The following RSRC1 variants were observed in gnomAD, a reference collection of about 807,000 sequenced individuals.
RSRC1 encodes arginine and serine rich coiled-coil 1, also known as serine/Arginine-related protein 53.
A neutral mutation model predicts 49.1 loss-of-function variants in RSRC1; 39 were observed. That is an observed-to-expected ratio of 0.79 (90% confidence interval 0.61 to 1.04). RSRC1 has a LOEUF of 1.04. RSRC1 is among the 50% of genes least tolerant of loss of function. RSRC1 has a pLI of 0.00. For synonymous variants in RSRC1, 143 were observed against 130.8 expected (o/e 1.09, Z -0.63); for missense variants, 388 against 402.4 (o/e 0.96, Z 0.31).
At chr3:158,113,004 G>A (rs1714517866) in intron 1 of RSRC1, among the ~76,000 whole-genome samples, 2 of 152,112 alleles carry the variant, frequency 1.3e-5, no homozygotes, top group African/African-American at 4.8e-5. Flanking sequence ...ATAATATTCT[G>A]TGATGTATAT....
At chr3:158,424,709 T>C (rs942717699) in intron 6 of RSRC1, among the ~76,000 whole-genome samples, 2 of 152,098 alleles carry the variant, frequency 1.3e-5, no homozygotes, top group Non-Finnish European at 2.9e-5. Flanking sequence ...CATCTGGTCC[T>C]GGACCCTTTT....
chr3:158,537,277 ATG>A (rs1373404153), intron 8 of RSRC1, 79 bp downstream of exon 8: 25 of 825,622 alleles, frequency 3.0e-5, no homozygotes, highest in Non-Finnish European at 4.2e-5. Context: ...TTTTACTTAA[ATG>A]TGTTTCTTCT....
At chr3:158,493,890 C>CCA (rs1739198311) in intron 7 of RSRC1, among the ~76,000 whole-genome samples, 1 of 151,998 alleles carries the variant, frequency 6.6e-6, no homozygotes, top group Non-Finnish European at 1.5e-5. Flanking sequence ...CATAAGGACT[C>CCA]GAGTATGGAG....
At chr3:158,443,783 T>A (rs753121314) in intron 6 of RSRC1, among the ~76,000 whole-genome samples, 8 of 152,204 alleles carry the variant, frequency 5.3e-5, no homozygotes, top group Non-Finnish European at 7.3e-5. Flanking sequence ...CTCACTAAGC[T>A]TAGTCATTTC....
At chr3:158,163,759 A>ATGTT (rs5853816) in intron 3 of RSRC1, among the ~76,000 whole-genome samples, 105 of 149,330 alleles carry the variant, frequency 7.0e-4, no homozygotes, top group African/African-American at 2.0e-3. Flanking sequence ...CTTTATAGCA[A>ATGTT]TTTTTTTTTT....
chr3:158,441,351 C>G (rs1280714500), intron 6 of RSRC1, among the ~76,000 whole-genome samples: 1 of 152,004 alleles, frequency 6.6e-6, no homozygotes, highest in African/African-American at 2.4e-5. Flanking sequence ...ACGATCTTAT[C>G]TTGGCAAAAT....
At chr3:158,466,236 C>A (rs1288029381) in intron 7 of RSRC1, among the ~76,000 whole-genome samples, 1 of 152,146 alleles carries the variant, frequency 6.6e-6, no homozygotes, top group African/African-American at 2.4e-5. Flanking sequence ...TTGCTTCATA[C>A]ACATTCAGCT....
At chr3:158,115,318 A>G (rs746484587) in intron 1 of RSRC1, among the ~76,000 whole-genome samples, 1 of 152,168 alleles carries the variant, frequency 6.6e-6, no homozygotes, top group Admixed American at 6.5e-5. Context: ...GTCACCCCCA[A>G]GACAGATAGA....
intron 6 of RSRC1, among the ~76,000 whole-genome samples, chr3:158,452,956 T>A (rs1321486268): frequency 6.6e-6 from 1 of 152,210 alleles, no homozygotes; most frequent in African/African-American, 2.4e-5. Context: ...TATGCATTTA[T>A]ATACATACAC....
chr3:158,316,102 G>T (rs1372419957), intron 5 of RSRC1, among the ~76,000 whole-genome samples: 1 of 151,924 alleles, frequency 6.6e-6, no homozygotes. Flanking sequence ...AACCCAGGAG[G>T]TGGAGGTTGC....
chr3:158,273,072 G>A (rs796741286), intron 4 of RSRC1, among the ~76,000 whole-genome samples: 11 of 152,034 alleles, frequency 7.2e-5, no homozygotes, highest in African/African-American at 2.6e-4. Context: ...TGATATTAGT[G>A]GAAATTAATT....
At chr3:158,410,211 G>T (rs1206015011) in intron 6 of RSRC1, among the ~76,000 whole-genome samples, 1 of 152,036 alleles carries the variant, frequency 6.6e-6, no homozygotes, top group Non-Finnish European at 1.5e-5. Flanking sequence ...AGCTTCCATG[G>T]TTTGCTCATG....
intron 7 of RSRC1, among the ~76,000 whole-genome samples, chr3:158,507,180 A>G (rs1347457112): frequency 1.3e-5 from 2 of 152,092 alleles, no homozygotes; most frequent in African/African-American, 4.8e-5. Context: ...CACATGTGGG[A>G]GCTAAAAGGG....
At chr3:158,275,998 A>G (rs2108065574) in intron 4 of RSRC1, 1 of 811,068 alleles carries the variant, frequency 1.2e-6, no homozygotes, top group South Asian at 1.3e-5. Context: ...ATTTCTTCTG[A>G]TAGTATTATG....
intron 3 of RSRC1, among the ~76,000 whole-genome samples, chr3:158,124,806 CTTTT>C (rs1715511768): frequency 7.2e-6 from 1 of 138,636 alleles, no homozygotes; most frequent in South Asian, 2.3e-4. Flanking sequence ...GGTATTTTTT[CTTTT>C]TCTTTCTTTC....
chr3:158,438,261 A>G (rs1008321960), intron 6 of RSRC1, among the ~76,000 whole-genome samples: 1 of 152,094 alleles, frequency 6.6e-6, no homozygotes, highest in Non-Finnish European at 1.5e-5. Context: ...ATTTATAGAT[A>G]CAATGCCATC....
intron 7 of RSRC1, among the ~76,000 whole-genome samples, chr3:158,523,207 T>C (rs1167692833): frequency 6.6e-6 from 1 of 152,112 alleles, no homozygotes; most frequent in Admixed American, 6.6e-5. Flanking sequence ...TTTCAACTTA[T>C]TTCTGAACTT....
intron 4 of RSRC1, among the ~76,000 whole-genome samples, chr3:158,231,612 T>C (rs1187733937): frequency 6.6e-6 from 1 of 152,176 alleles, no homozygotes; most frequent in African/African-American, 2.4e-5. Context: ...AGGTCTAATA[T>C]GGTCCTTTTA....
At chr3:158,132,703 C>G (rs1578117555) in intron 3 of RSRC1, among the ~76,000 whole-genome samples, 2 of 152,234 alleles carry the variant, frequency 1.3e-5, no homozygotes, top group East Asian at 3.9e-4. Context: ...CTATCCTTTC[C>G]TTGTTTTTGT....
Sources: gnomAD v4.1 joint callset for allele counts (sites outside exome capture counted in the v4.1 genomes callset) on GRCh38, gnomAD v4.1.1 for gene constraint, MANE v1.5 for transcripts, NCBI Gene and HGNC (gene_info 2026-07-23, HGNC 2026-07-21) for gene names.